AKAP12: variants seen among roughly 807,000 people sequenced by gnomAD.
AKAP12 encodes A-kinase anchoring protein 12.
Under a neutral mutation model 79.9 loss-of-function variants are expected in AKAP12, and 32 were observed. The ratio of observed to expected loss-of-function variants is 0.40; its 90% CI spans 0.30 to 0.54. The LOEUF is 0.54. Among genes scored for constraint, AKAP12 ranks in the 20% least tolerant of loss-of-function variants. The pLI is 0.48. For synonymous variants in AKAP12, 808 were observed against 857.0 expected (o/e 0.94, Z 1.00); for missense variants, 2,074 against 2,177.0 (o/e 0.95, Z 0.94).
chr6:151,345,871 CAT>C (rs1180821240), intron 3 of AKAP12, among the ~76,000 whole-genome samples: 7 of 144,224 alleles, frequency 4.9e-5, no homozygotes, highest in Non-Finnish European at 7.5e-5. Flanking sequence ...CCCCAGAGAT[CAT>C]ATGTGAAGGA....
At chr6:151,325,741 G>C (rs976971435) in intron 3 of AKAP12, 3 of 1,558,910 alleles carry the variant, frequency 1.9e-6, no homozygotes, top group East Asian at 2.3e-5. Flanking sequence ...GTGTCTGGGC[G>C]CTCAGTCCGC....
intron 3 of AKAP12, among the ~76,000 whole-genome samples, chr6:151,347,092 C>G (rs1778121508): frequency 6.6e-6 from 1 of 152,188 alleles, no homozygotes; most frequent in South Asian, 2.1e-4. Flanking sequence ...CCAATCGTCA[C>G]TCTCATAAAA....
chr6:151,243,273 C>G (rs891884448), intron 2 of AKAP12, among the ~76,000 whole-genome samples: 2 of 152,232 alleles, frequency 1.3e-5, no homozygotes, highest in Non-Finnish European at 2.9e-5. Context: ...TAGGCTAATA[C>G]ATCATTTTTC....
At chr6:151,331,754 A>G (rs887403141) in intron 3 of AKAP12, among the ~76,000 whole-genome samples, 9 of 151,888 alleles carry the variant, frequency 5.9e-5, no homozygotes, top group South Asian at 4.2e-4. Context: ...GCGTGGTGGC[A>G]GGCACCTGTA....
chr6:151,315,055 A>G (rs970880253), intron 3 of AKAP12, among the ~76,000 whole-genome samples: 37 of 76,314 alleles, frequency 4.8e-4, no homozygotes, highest in African/African-American at 2.2e-3. Flanking sequence ...CTGTCTCAAG[A>G]AAAAAAAAAA....
intron 2 of AKAP12, among the ~76,000 whole-genome samples, chr6:151,294,741 C>T (rs1776688924): frequency 6.6e-6 from 1 of 152,200 alleles, no homozygotes; most frequent in South Asian, 2.1e-4. Context: ...CTTTAACATA[C>T]TTTCCCAGAG....
At position 151,352,680 on chromosome 6, in the gene AKAP12, T is replaced by G. The variant is rs781218235; in HGVS notation, c.4289T>G (p.Val1430Gly). 4 of 1,614,104 alleles carry G rather than the reference T, an allele frequency of 2.5e-6. 1 individual carries two copies. The South Asian group carries it at 4.4e-5, about 18-fold the overall frequency. The change falls in exon 4 of 5, where the codon GTC becomes GGC. Residue 1430 changes from valine to glycine, a missense_variant. Physicochemically the swap from Val to Gly is moderately radical, Grantham distance 109. Transcript: ENST00000402676. ...ACAGCGGCTGCAGAGGAGGAAAAGG[T>G]CTTAGGAGAAACTGCCAACATTTTA... ...TLTAAAEEEK[V>G]LGETANILET...
At chr6:151,303,136 T>A (rs1344077725) in intron 2 of AKAP12, among the ~76,000 whole-genome samples, 1 of 152,126 alleles carries the variant, frequency 6.6e-6, no homozygotes, top group African/African-American at 2.4e-5. Flanking sequence ...GATGTTGCAG[T>A]GAGCCAAGAT....
chr6:151,321,220 C>T (rs551658996), intron 3 of AKAP12, among the ~76,000 whole-genome samples: 72 of 152,276 alleles, frequency 4.7e-4, no homozygotes, highest in African/African-American at 1.6e-3. Context: ...CTCCTGACCT[C>T]AAGTGATCTG....
intron 2 of AKAP12, among the ~76,000 whole-genome samples, chr6:151,241,169 G>T (rs967133686): frequency 2.6e-5 from 4 of 152,310 alleles, no homozygotes; most frequent in Middle Eastern, 6.8e-3. Context: ...GGTGGAGCCC[G>T]CCGGGGAGCC....
Position 151,348,680 on chromosome 6 carries a change from TCCCCACCCCCCC to T in AKAP12, c.320-30_320-19del. On this transcript the variant is annotated intron_variant, in intron 3 of 4. Coordinates refer to ENST00000402676, the MANE Select transcript of AKAP12 (RefSeq NM_005100.4). ...TGTATTGTAATCACCTTTTCTCTTCTCCCCACCCCCCCGCCCCTTTTTGTTAATAGTTGGACA... is the reference window on the plus strand; with the variant it reads ...TGTATTGTAATCACCTTTTCTCTTCTGCCCCTTTTTGTTAATAGTTGGACA... The T allele has an allele frequency of 5.6e-6, 2 of 355,200 alleles. No homozygotes were observed. The highest frequency in any genetic ancestry group is 1.1e-5 in the Non-Finnish European group (2 of 182,412). 22.0% of individuals were successfully genotyped at this position (355,200 alleles called of 1,614,324 possible). A position where few individuals can be genotyped will look rare whatever the true frequency, so the allele number is the denominator to read the frequency against.
At chr6:151,355,128 T>C (rs1021731968) in intron 4 of AKAP12, among the ~76,000 whole-genome samples, 24 of 146,306 alleles carry the variant, frequency 1.6e-4, no homozygotes, top group African/African-American at 6.1e-4. Flanking sequence ...CCTGAGTAGC[T>C]GGGATTACAG....
chr6:151,351,283 G>A lies in AKAP12; in HGVS notation c.2892G>A (p.Thr964=), dbSNP rs768500063. ...LPENREARGD[T]VVSEAELTPE... ...AGAACAGAGAGGCCCGGGGCGACAC[G>A]GTCGTTAGTGAGGCGGAATTGACCC... Residue 964 remains threonine (T), a synonymous_variant, in exon 4 of 5, where the codon ACG becomes ACA. Coordinates refer to ENST00000402676, the MANE Select transcript of AKAP12 (RefSeq NM_005100.4). This position sits in a 1 kb window ranked among gnomAD's most constrained non-coding sequence, Gnocchi z 4.4. 8 of 1,614,074 alleles carry A rather than the reference G, an allele frequency of 5.0e-6. No homozygotes were observed. Among genetic ancestry groups the A allele is most frequent in the East Asian group, 4.5e-5 (2 of 44,892 alleles).
At chr6:151,324,017 C>A (rs1384755940) in intron 3 of AKAP12, 9 of 985,306 alleles carry the variant, frequency 9.1e-6, no homozygotes, top group Non-Finnish European at 1.1e-5. Context: ...CCAGGACACT[C>A]TGGGGCTGGG....
intron 3 of AKAP12, among the ~76,000 whole-genome samples, chr6:151,335,962 C>T (rs538808428): frequency 8.5e-5 from 13 of 152,262 alleles, no homozygotes; most frequent in Non-Finnish European, 1.8e-4. Flanking sequence ...CTATTATTTC[C>T]ATCTTTATGT....
At chr6:151,287,231 G>A (rs1419745709) in intron 2 of AKAP12, among the ~76,000 whole-genome samples, 1 of 151,726 alleles carries the variant, frequency 6.6e-6, no homozygotes, top group Non-Finnish European at 1.5e-5. Flanking sequence ...GAACCACCAC[G>A]CCCGGTCTAT....
At chr6:151,271,870 G>T (rs549835981) in intron 2 of AKAP12, among the ~76,000 whole-genome samples, 1 of 151,598 alleles carries the variant, frequency 6.6e-6, no homozygotes, top group South Asian at 2.1e-4. Flanking sequence ...ATGTTGGCCA[G>T]GTTGGTCTCG....
chr6:151,306,440 C>G (rs1321391231), intron 3 of AKAP12, among the ~76,000 whole-genome samples: 2 of 152,118 alleles, frequency 1.3e-5, no homozygotes, highest in African/African-American at 4.8e-5. Context: ...ATCTTGAGGT[C>G]AGAATTGAGA....
chr6:151,241,908 G>C (rs1796984135), intron 2 of AKAP12, among the ~76,000 whole-genome samples: 1 of 151,376 alleles, frequency 6.6e-6, no homozygotes, highest in African/African-American at 2.4e-5. Context: ...TTTGGGCTGA[G>C]AGACTGCTGT....
Sources: allele counts gnomAD v4.1 joint callset (sites outside exome capture counted in the v4.1 genomes callset), GRCh38; gene constraint gnomAD v4.1.1; non-coding constraint Gnocchi (gnomAD v3.1); transcripts MANE v1.5; gene names NCBI Gene and HGNC (gene_info 2026-07-23, HGNC 2026-07-21).